Variants in TNNT3 observed in about 807,000 individuals in gnomAD.
TNNT3 encodes the protein troponin T, fast skeletal muscle.
TNNT3 carries 36 observed loss-of-function variants against 54.2 expected under a neutral mutation model. The ratio of observed to expected loss-of-function variants is 0.66; its 90% CI spans 0.51 to 0.88. The LOEUF (loss-of-function observed/expected upper bound fraction) is 0.88, where lower values mean the gene tolerates loss of function less well. Ranked by LOEUF, TNNT3 falls within the 40% of genes least tolerant of loss-of-function variation. TNNT3 has a pLI of 0.00. For synonymous variants in TNNT3, 120 were observed against 109.7 expected, an observed-to-expected ratio of 1.09 and a Z score of -0.59; for missense variants, 291 against 331.6, an observed-to-expected ratio of 0.88 and a Z score of 0.95.
intron 15 of TNNT3, 113 bp from the exon 16 acceptor site, chr11:1,938,325 C>T (rs1431360310): frequency 1.7e-6 from 2 of 1,191,418 alleles, no homozygotes; most frequent in African/African-American, 1.5e-5. Context: ...TGGGCCGGGC[C>T]TGTGCCCTGA....
In TNNT3 at chr11:1,923,549, A is replaced by G. The variant is rs1170658362; in HGVS notation, c.32-6A>G. 1.7e-5 allele frequency: 28 copies of G among 1,613,604 alleles called. No individual in the cohort carries two copies. Among genetic ancestry groups the G allele is most frequent in the Admixed American group, 3.3e-5 (2 of 59,984 alleles). On this transcript the variant is annotated splice_region_variant and splice_polypyrimidine_tract_variant and intron_variant, in intron 3 of 15. Coordinates refer to ENST00000278317, the MANE Select transcript of TNNT3 (RefSeq NM_006757.4). ...TGGTTCCCCTCTTTGTTCTGTCCCA[A>G]TGCAGAGCAGTACGAAGAAGAAGGT... is the stretch of plus-strand genomic sequence containing the variant.
chr11:1,927,703 C>G (rs987747849), intron 6 of TNNT3: 1 of 152,484 alleles, frequency 6.6e-6, no homozygotes, highest in Non-Finnish European at 1.5e-5. Flanking sequence ...CAGCTTTTGC[C>G]GCTTGGCTGT....
At chr11:1,922,777 AT>A in intron 1 of TNNT3, 79 bp from the exon 2 acceptor site, 1 of 1,420,104 alleles carries the variant, frequency 7.0e-7, no homozygotes, top group Non-Finnish European at 9.8e-7. Context: ...CCAAGACCCC[AT>A]CCCCCATCCT....
chr11:1,924,424 C>T (rs1850942352), intron 4 of TNNT3, among the ~76,000 whole-genome samples: 2 of 152,244 alleles, frequency 1.3e-5, no homozygotes, highest in South Asian at 2.1e-4. Context: ...AGCGCGTTCA[C>T]GCAACCTTAG....
chr11:1,929,262 T>G, intron 7 of TNNT3, 119 bp downstream of exon 7: 8 of 1,310,242 alleles, frequency 6.1e-6, no homozygotes, highest in Non-Finnish European at 8.7e-6. Context: ...CCTCTTTCTC[T>G]TCCCCTGGCA....
At position 1,934,934 on chromosome 11, in the gene TNNT3, C is replaced by T; in HGVS notation, c.681+15C>T. The T allele has an allele frequency of 3.1e-6, 5 of 1,612,528 alleles. No homozygotes were observed. Among genetic ancestry groups the T allele is most frequent in the Non-Finnish European group, 3.4e-6 (4 of 1,179,372 alleles). On this transcript the variant is annotated intron_variant, in intron 14 of 15. Coordinates refer to ENST00000278317, the MANE Select transcript of TNNT3 (RefSeq NM_006757.4). Reference sequence around the variant, plus strand: ...AGAAATATGACGTGAGTCCCGGCACCTCCGGCCCTGGGGCCCTAGCGGCTT... The same window carrying T: ...AGAAATATGACGTGAGTCCCGGCACTTCCGGCCCTGGGGCCCTAGCGGCTT...
intron 2 of TNNT3, 49 bp downstream of exon 2, chr11:1,922,940 C>T (rs1188001585): frequency 1.2e-6 from 2 of 1,613,578 alleles, no homozygotes; most frequent in South Asian, 1.1e-5. Context: ...GGACCCTGGC[C>T]CCTTGGCTTC....
intron 11 of TNNT3, 87 bp from the exon 12 acceptor site, chr11:1,934,245 C>G (rs192653031): frequency 1.5e-6 from 2 of 1,296,984 alleles, no homozygotes; most frequent in African/African-American, 2.9e-5. Context: ...CCAGACAGCT[C>G]TAAGCCCAGG....
chr11:1,935,197 G>T, intron 14 of TNNT3: 2 of 539,566 alleles, frequency 3.7e-6, no homozygotes, highest in Non-Finnish European at 6.7e-6. Flanking sequence ...AAGGACTGTC[G>T]TGGCAGAGCA....
intron 8 of TNNT3, among the ~76,000 whole-genome samples, chr11:1,931,566 TCTC>T (rs1161176490): frequency 6.6e-6 from 1 of 152,236 alleles, no homozygotes; most frequent in East Asian, 1.9e-4. Context: ...GGTCGTCTCT[TCTC>T]TGAGAACTCG....
chr11:1,934,502 C>A, intron 12 of TNNT3, 44 bp from the exon 13 acceptor site: 1 of 1,607,080 alleles, frequency 6.2e-7, no homozygotes, highest in South Asian at 1.1e-5. Flanking sequence ...ACGCCCTGTG[C>A]CCTCCTGAGA....
intron 6 of TNNT3, among the ~76,000 whole-genome samples, chr11:1,928,420 G>A (rs1296897813): frequency 2.0e-5 from 3 of 152,212 alleles, no homozygotes; most frequent in Admixed American, 1.3e-4. Flanking sequence ...GTAGCAGGGG[G>A]GTCCCAGAGG....
At chr11:1,934,277 A>G in intron 11 of TNNT3, 55 bp from the exon 12 acceptor site, 1 of 1,543,106 alleles carries the variant, frequency 6.5e-7, no homozygotes, top group South Asian at 1.1e-5. Flanking sequence ...AAGCCTGCCC[A>G]GAAAGCATAG....
chr11:1,925,782 C>T (rs1261210136), intron 5 of TNNT3, among the ~76,000 whole-genome samples: 1 of 152,178 alleles, frequency 6.6e-6, no homozygotes, highest in Non-Finnish European at 1.5e-5. Context: ...CCCCAGGCCC[C>T]CTCACAGCCT....
At chr11:1,923,144 CCT>C in intron 3 of TNNT3, 83 bp downstream of exon 3, 1 of 1,572,986 alleles carries the variant, frequency 6.4e-7, no homozygotes, top group Non-Finnish European at 8.7e-7. Flanking sequence ...CTGTGCATAC[CCT>C]GTGTCCCCTT....
At chr11:1,921,797 C>T (rs930238969) in intron 1 of TNNT3, among the ~76,000 whole-genome samples, 1 of 152,254 alleles carries the variant, frequency 6.6e-6, no homozygotes, top group Non-Finnish European at 1.5e-5. Flanking sequence ...GTAATCTGTA[C>T]TGTGTTGTAA....
At chr11:1,924,121 CCT>C (rs570922904) in intron 4 of TNNT3, among the ~76,000 whole-genome samples, 1 of 151,948 alleles carries the variant, frequency 6.6e-6, no homozygotes, top group Non-Finnish European at 1.5e-5. Context: ...TCTCTCCCTG[CCT>C]CTCTCTCTCA....
intron 9 of TNNT3, 74 bp from the exon 10 acceptor site, chr11:1,933,639 GGACCTCTT>G (rs1854070506): frequency 9.4e-7 from 1 of 1,067,812 alleles, no homozygotes; most frequent in Non-Finnish European, 1.5e-6. Context: ...GCAAAGGAAG[GGACCTCTT>G]GCTGCAAGGC....
chr11:1,936,674 A>T (rs1855159036), intron 14 of TNNT3, among the ~76,000 whole-genome samples: 1 of 151,720 alleles, frequency 6.6e-6, no homozygotes, highest in Non-Finnish European at 1.5e-5. Flanking sequence ...CCCGCCCCAC[A>T]TCCTGCCGCA....
Sources: allele counts gnomAD v4.1 joint callset (sites outside exome capture counted in the v4.1 genomes callset), GRCh38; gene constraint gnomAD v4.1.1; transcripts MANE v1.5; gene names NCBI Gene and HGNC (gene_info 2026-07-23, HGNC 2026-07-21).